Variants in PRDM16 observed in about 807,000 individuals in gnomAD.
PRDM16 encodes histone-lysine N-methyltransferase PRDM16.
A neutral mutation model predicts 110.6 loss-of-function variants in PRDM16; 23 were observed. That is an observed-to-expected ratio of 0.21 (90% CI 0.15 to 0.29). The LOEUF is 0.29. Among genes scored for constraint, PRDM16 ranks in the 10% least tolerant of loss-of-function variants. The pLI, the probability that PRDM16 is intolerant of heterozygous loss-of-function variation, is 1.00. For missense variants in PRDM16, 1,615 were observed against 1,794.3 expected (o/e 0.90, Z 1.81); for synonymous variants, 799 against 781.8 (o/e 1.02, Z -0.37).
Position 3,244,157 on chromosome 1 carries a change from G to T in PRDM16, c.438+20G>T. The T allele has an allele frequency of 6.2e-7, 1 of 1,612,382 alleles. No individual in the cohort carries two copies. On this transcript the variant is annotated intron_variant, in intron 3 of 16. Coordinates refer to ENST00000270722, the MANE Select transcript of PRDM16 (RefSeq NM_022114.4). The surrounding 1 kb of genome is among the most constrained non-coding windows in gnomAD (Gnocchi z 4.1). Reference sequence around the variant, plus strand: ...ACAAAGGTAGGAGAGCTCGCCCTGCGCCGTCTCAGCTCCCCAGCGTCCTCG... The same window carrying T: ...ACAAAGGTAGGAGAGCTCGCCCTGCTCCGTCTCAGCTCCCCAGCGTCCTCG...
At chr1:3,146,790 G>T (rs542382366) in intron 1 of PRDM16, among the ~76,000 whole-genome samples, 1 of 147,120 alleles carries the variant, frequency 6.8e-6, no homozygotes, top group Admixed American at 6.8e-5. Flanking sequence ...TGTGTGCTCG[G>T]TGTGGGGTGT....
chr1:3,402,904 C>G lies in PRDM16; in HGVS notation c.790C>G (p.Leu264Val), dbSNP rs1227110445. 1 of 1,612,880 alleles carries G rather than the reference C, an allele frequency of 6.2e-7. No individual in the cohort carries two copies. Residue 264 changes from leucine (L) to valine (V), a missense_variant, in exon 6 of 17, where the codon CTG (leucine) becomes GTG (valine). This residue lies in a region of PRDM16 where 416 missense variants were observed against 467.1 expected (regional missense o/e 0.89). Transcript: ENST00000270722. ...GSVGAALYEG[L>V]AEELKPEGLG... ...AGTGGGGGCTGCGCTCTACGAGGGC[C>G]TGGCTGAGGAGCTCAAGCCCGAGGG... is the stretch of plus-strand genomic sequence containing the variant.
chr1:3,254,382 A>AAAAGAG (rs1377187240), intron 3 of PRDM16, among the ~76,000 whole-genome samples: 24 of 152,190 alleles, frequency 1.6e-4, no homozygotes, highest in Non-Finnish European at 3.5e-4. Flanking sequence ...CCCTGTTTGC[A>AAAAGAG]GATGACATGA....
chr1:3,169,000 C>A (rs1643993944), intron 1 of PRDM16, among the ~76,000 whole-genome samples: 2 of 152,274 alleles, frequency 1.3e-5, no homozygotes, highest in Admixed American at 1.3e-4. Context: ...GGGGCTGTAA[C>A]CTGTAGGCTG....
At chr1:3,158,585 A>G (rs1236193821) in intron 1 of PRDM16, among the ~76,000 whole-genome samples, 3 of 152,132 alleles carry the variant, frequency 2.0e-5, no homozygotes, top group South Asian at 4.2e-4. Context: ...TCTCATCGCC[A>G]TGGGCTCAAC....
At chr1:3,215,892 G>A (rs1299567288) in intron 2 of PRDM16, among the ~76,000 whole-genome samples, 1 of 152,180 alleles carries the variant, frequency 6.6e-6, no homozygotes, top group Non-Finnish European at 1.5e-5. Flanking sequence ...TGTTCCCGGG[G>A]CCGATTCAGA....
chr1:3,114,191 A>ACGCACGCG (rs1553127270), intron 1 of PRDM16, among the ~76,000 whole-genome samples: 49 of 131,798 alleles, frequency 3.7e-4, no homozygotes, highest in Middle Eastern at 4.4e-3. Flanking sequence ...ACACGCACAC[A>ACGCACGCG]CGCACACGCA....
chr1:3,073,917 G>C (rs982569041), intron 1 of PRDM16, among the ~76,000 whole-genome samples: 3 of 152,186 alleles, frequency 2.0e-5, no homozygotes, highest in Non-Finnish European at 4.4e-5. Context: ...TCGACCTCGT[G>C]CGGGACACCG....
chr1:3,341,961 G>A (rs1459091123), intron 3 of PRDM16, among the ~76,000 whole-genome samples: 2 of 152,238 alleles, frequency 1.3e-5, no homozygotes, highest in Non-Finnish European at 2.9e-5. Flanking sequence ...TTCTTGGGAG[G>A]TAACCCCATC....
At chr1:3,414,527 G>A in intron 9 of PRDM16, 33 bp from the exon 10 acceptor site, 2 of 1,562,274 alleles carry the variant, frequency 1.3e-6, no homozygotes, top group Non-Finnish European at 1.8e-6. Flanking sequence ...GGGCGGCTCG[G>A]TGGGGTACGT....
intron 8 of PRDM16, among the ~76,000 whole-genome samples, chr1:3,406,891 C>T (rs1040460393): frequency 1.4e-4 from 22 of 152,220 alleles, no homozygotes; most frequent in African/African-American, 4.6e-4. Flanking sequence ...GCCGAGTCAT[C>T]GCTTCCCAAG....
chr1:3,283,263 C>T (rs1245804432), intron 3 of PRDM16, among the ~76,000 whole-genome samples: 2 of 152,204 alleles, frequency 1.3e-5, no homozygotes, highest in African/African-American at 4.8e-5. Context: ...ATGGAGGTGC[C>T]AGGGAATGTC....
rs1640026353 is a variant in PRDM16, at chr1:3,255,625, A to G, written c.438+11488A>G. On this transcript the variant is annotated intron_variant, in intron 3 of 16. Coordinates refer to ENST00000270722, the MANE Select transcript of PRDM16 (RefSeq NM_022114.4). The surrounding 1 kb of genome is among the most constrained non-coding windows in gnomAD (Gnocchi z 4.7). ...ACGGTGCCCCTCCTTATCGCATTCA[A>G]CTTAGCTGCTGTGGGCAAGCAGCAG... 6.6e-6 allele frequency among the ~76,000 whole-genome samples: 1 copy of G among 152,130 alleles called. No homozygotes were observed. Among genetic ancestry groups the G allele is most frequent in the Non-Finnish European group, 1.5e-5 (1 of 68,022 alleles).
intron 1 of PRDM16, among the ~76,000 whole-genome samples, chr1:3,170,337 C>T (rs925632180): frequency 1.3e-5 from 2 of 152,214 alleles, no homozygotes; most frequent in Non-Finnish European, 2.9e-5. Flanking sequence ...TGCAGCTGTC[C>T]CAGGCTCTCT....
intron 1 of PRDM16, among the ~76,000 whole-genome samples, chr1:3,114,203 G>GCGCGCACACGCACGCA (rs144577517): frequency 1.2e-4 from 14 of 117,684 alleles, no homozygotes; most frequent in African/African-American, 4.0e-4. Flanking sequence ...GCACACGCAC[G>GCGCGCACACGCACGCA]CACACACGCA....
At chr1:3,393,179 G>A (rs976659425) in intron 4 of PRDM16, among the ~76,000 whole-genome samples, 3 of 152,214 alleles carry the variant, frequency 2.0e-5, no homozygotes, top group Admixed American at 6.5e-5. Context: ...AGCCTTGCCC[G>A]TGCAACACAA....
intron 3 of PRDM16, among the ~76,000 whole-genome samples, chr1:3,300,820 A>G (rs1283133644): frequency 6.6e-6 from 1 of 152,170 alleles, no homozygotes; most frequent in Non-Finnish European, 1.5e-5. Flanking sequence ...CGTGTATGGA[A>G]ATATCTTCCT....
Position 3,201,647 on chromosome 1 carries a change from G to T in PRDM16, c.387+15173G>T, listed in dbSNP as rs1269783918. Among the ~76,000 whole-genome samples, 3 of 152,224 alleles carry T rather than the reference G, an allele frequency of 2.0e-5. No homozygotes were observed. Among genetic ancestry groups the T allele is most frequent in the African/African-American group, 4.8e-5 (2 of 41,464 alleles). ...GCCCCGGCTCTGACGTTTCTCCAGT[G>T]ACCCCTGGCAGGTCGGGGACCCCAG... On this transcript the variant is annotated intron_variant, in intron 2 of 16. Transcript: ENST00000270722. This position sits in a 1 kb window ranked among gnomAD's most constrained non-coding sequence, Gnocchi z 4.1.
intron 8 of PRDM16, 140 bp downstream of exon 8, chr1:3,405,788 G>A: frequency 1.2e-6 from 1 of 834,516 alleles, no homozygotes. Context: ...GGCAGGTTCT[G>A]ACATCTCTGC....
Sources: gnomAD v4.1 joint callset for allele counts (sites outside exome capture counted in the v4.1 genomes callset) on GRCh38, gnomAD v4.1.1 for gene constraint, gnomAD v4.1.1 regional missense constraint, Gnocchi (gnomAD v3.1) non-coding constraint, MANE v1.5 for transcripts, NCBI Gene and HGNC (gene_info 2026-07-23, HGNC 2026-07-21) for gene names.